FCMR: variants seen among roughly 807,000 people sequenced by gnomAD.
FCMR encodes the protein Fc mu receptor, also known as immunoglobulin mu Fc receptor.
Under a neutral mutation model 41.6 loss-of-function variants are expected in FCMR, and 34 were observed. The observed-to-expected ratio is 0.82, with a 90% CI of 0.62 to 1.09. The LOEUF is 1.09. Ranked by LOEUF, FCMR falls within the 50% of genes least tolerant of loss-of-function variation. The pLI is 0.00. For missense variants in FCMR, 496 were observed against 512.5 expected, an observed-to-expected ratio of 0.97 and a Z score of 0.31; for synonymous variants, 209 against 211.8, an observed-to-expected ratio of 0.99 and a Z score of 0.12.
intron 7 of FCMR, chr1:206,906,129 T>A (rs1037230693): frequency 2.0e-6 from 1 of 507,450 alleles, no homozygotes; most frequent in Non-Finnish European, 4.0e-6. Flanking sequence ...ACTTAGATGA[T>A]ATAAGACCAG....
At chr1:206,921,308 A>G in intron 1 of FCMR, 2 of 341,430 alleles carry the variant, frequency 5.9e-6, no homozygotes, top group Non-Finnish European at 1.2e-5. Context: ...AGCTCTTAAG[A>G]GTTAACACCT....
In FCMR at chr1:206,904,895, G is replaced by C; in HGVS notation, c.*124C>G. The C allele has an allele frequency of 9.5e-7, 1 of 1,051,970 alleles. No individual in the cohort carries two copies. The highest frequency in any genetic ancestry group is 1.4e-5 in the South Asian group (1 of 71,098). The allele number at this position is 1,051,970 out of a possible 1,614,324, so 65.2% of individuals were successfully genotyped here. A position where few individuals can be genotyped will look rare whatever the true frequency, so the allele number is the denominator to read the frequency against. The stretch of plus-strand genomic sequence containing the variant: ...ACAGATAGATGGGGATGGGAGTCGA[G>C]ATGGGGCATGGGAAGTGATGAGGGC... On this transcript the variant is annotated 3_prime_UTR_variant, in exon 8 of 8. Transcript: ENST00000367091.
In FCMR at chr1:206,909,491, C is replaced by T; in HGVS notation, c.1015G>A (p.Gly339Arg). 2.3e-6 allele frequency: 3 copies of T among 1,285,588 alleles called. No individual in the cohort carries two copies. Among genetic ancestry groups the T allele is most frequent in the Non-Finnish European group, 2.0e-6 (2 of 1,018,200 alleles). The allele number at this position is 1,285,588 out of a possible 1,614,324, so 79.6% of individuals were successfully genotyped here. ...AGCGGGGCGGGGGGCAACGGCGCTCCGGGGCCGGGAACGGGGGCCTCCCCT... is the reference window on the plus strand; with the variant it reads ...AGCGGGGCGGGGGGCAACGGCGCTCTGGGGCCGGGAACGGGGGCCTCCCCT... ...GTGEAPVPGP[G>R]APLPPAPLQV... The change falls in exon 7 of 8, where the codon GGA becomes AGA. Residue 339 changes from glycine to arginine, a missense_variant. Physicochemically the swap from Gly to Arg is moderately radical, Grantham distance 125. Transcript: ENST00000367091. This position sits in a 1 kb window ranked among gnomAD's most constrained non-coding sequence, Gnocchi z 5.0.
Sources: gnomAD v4.1 joint callset for allele counts on GRCh38, gnomAD v4.1.1 for gene constraint, Gnocchi (gnomAD v3.1) non-coding constraint, MANE v1.5 for transcripts, NCBI Gene and HGNC (gene_info 2026-07-23, HGNC 2026-07-21) for gene names.